The following ZNF609 variants were observed in gnomAD, a reference collection of about 807,000 sequenced individuals.
ZNF609 encodes the protein zinc finger protein 609.
In ZNF609, 11 loss-of-function variants were observed where a neutral mutation model predicts 109.5. The observed-to-expected ratio is 0.10, with a 90% CI of 0.06 to 0.17. The LOEUF (loss-of-function observed/expected upper bound fraction) is 0.17, where lower values mean the gene tolerates loss of function less well. Ranked by LOEUF, ZNF609 falls within the 10% of genes least tolerant of loss-of-function variation. The pLI is 1.00. For missense variants in ZNF609, 1,559 were observed against 1,772.4 expected (o/e 0.88, Z 2.16); for synonymous variants, 646 against 662.0 (o/e 0.98, Z 0.37).
Position 64,622,913 on chromosome 15 carries a change from G to A in ZNF609, c.834G>A (p.Glu278=), listed in dbSNP as rs1847529565. The change falls in exon 3 of 10, where the codon GAG becomes GAA. Residue 278 remains glutamate (E), a synonymous_variant. Transcript: ENST00000326648. Reference sequence around the variant, plus strand: ...ACAATGACATCTCATCTCCCTGTGAGCAGATCATGGTTCGTACCCGATCAG... The same window carrying A: ...ACAATGACATCTCATCTCCCTGTGAACAGATCATGGTTCGTACCCGATCAG... ...VVNNDISSPC[E]QIMVRTRSVG... 6.2e-7 allele frequency: 1 copy of A among 1,614,070 alleles called. No individual in the cohort carries two copies. Among genetic ancestry groups the A allele is most frequent in the African/African-American group, 1.3e-5 (1 of 74,946 alleles).
At chr15:64,536,784 T>G (rs1034918985) in intron 2 of ZNF609, among the ~76,000 whole-genome samples, 2 of 151,448 alleles carry the variant, frequency 1.3e-5, no homozygotes, top group African/African-American at 4.9e-5. Flanking sequence ...CTGTCCCATT[T>G]ACTCAGTGCC....
In ZNF609 at chr15:64,674,148, G is replaced by A; in HGVS notation, c.1294G>A (p.Ala432Thr). The change falls in exon 5 of 10, where the codon GCC becomes ACC. Residue 432 changes from alanine to threonine, a missense_variant. Physicochemically the swap from Ala to Thr is moderately conservative, Grantham distance 58. This residue lies in a region of ZNF609 where 1,204 missense variants were observed against 1,314.1 expected (regional missense o/e 0.92). Transcript: ENST00000326648. ...PASSTSEDVK[A>T]SPSSANKRKN... is the part of the protein sequence containing the mutation. The stretch of plus-strand genomic sequence containing the variant: ...CAGCAGCACTTCTGAGGATGTCAAG[G>A]CCAGCCCTTCCTCAGCTAATAAGCG... The A allele has an allele frequency of 6.2e-7, 1 of 1,614,180 alleles. No homozygotes were observed. Among genetic ancestry groups the A allele is most frequent in the East Asian group, 2.2e-5 (1 of 44,888 alleles).
intron 3 of ZNF609, among the ~76,000 whole-genome samples, chr15:64,652,158 T>G (rs1224310855): frequency 6.6e-6 from 1 of 151,590 alleles, no homozygotes; most frequent in Non-Finnish European, 1.5e-5. Flanking sequence ...CCTGAGTAGC[T>G]GGGATTACAG....
At position 64,672,879 on chromosome 15, in the gene ZNF609, A is replaced by C. The variant is rs909933387; in HGVS notation, c.1062-1037A>C. Among the ~76,000 whole-genome samples the C allele has an allele frequency of 2.2e-4, 31 of 143,328 alleles. 1 individual carries two copies. Among genetic ancestry groups the C allele is most frequent in the Non-Finnish European group, 1.5e-5 (1 of 65,636 alleles). The allele number at this position is 143,328 out of a possible 152,430, so 94.0% of individuals were successfully genotyped here. ...CTCGGGAGCCTGAGGCAGGAGAACC[A>C]CTTGAACTAGGGAGTTGGAGGTTAC... On this transcript the variant is annotated intron_variant, in intron 4 of 9. Transcript: ENST00000326648.
At chr15:64,546,710 G>C (rs1041054351) in intron 2 of ZNF609, among the ~76,000 whole-genome samples, 2 of 151,600 alleles carry the variant, frequency 1.3e-5, no homozygotes, top group South Asian at 4.2e-4. Context: ...CTAGACTCAA[G>C]CAATCCACCT....
In ZNF609 at chr15:64,588,837, C is replaced by T. The variant is rs1156496457; in HGVS notation, c.748-33990C>T. ...ATTTTTAATAGAGATGGGGTTTCAC[C>T]ATATTGGTCAGGCTGGTCTCGAACT... On this transcript the variant is annotated intron_variant, in intron 2 of 9. Transcript: ENST00000326648. 2.0e-5 allele frequency among the ~76,000 whole-genome samples: 3 copies of T among 151,940 alleles called. No individual in the cohort carries two copies. In the East Asian group the frequency reaches 5.8e-4, roughly 29 times the overall value.
intron 3 of ZNF609, among the ~76,000 whole-genome samples, chr15:64,624,364 A>G (rs1369279302): frequency 6.6e-6 from 1 of 152,162 alleles, no homozygotes; most frequent in East Asian, 1.9e-4. Flanking sequence ...GCTTATGGAC[A>G]AATGTCTGAA....
At chr15:64,612,647 A>G (rs372701466) in intron 2 of ZNF609, among the ~76,000 whole-genome samples, 8,585 of 102,764 alleles carry the variant, frequency 0.084, 216 homozygotes, top group South Asian at 0.11. Context: ...TTTTTTTTTT[A>G]ATTTATTTTT....
intron 1 of ZNF609, among the ~76,000 whole-genome samples, chr15:64,486,039 C>T (rs1461792728): frequency 6.6e-6 from 1 of 152,140 alleles, no homozygotes; most frequent in East Asian, 1.9e-4. Context: ...CAGACAGCTC[C>T]ATCACCACAA....
At chr15:64,508,894 A>G (rs1166714867) in intron 2 of ZNF609, among the ~76,000 whole-genome samples, 2 of 151,828 alleles carry the variant, frequency 1.3e-5, no homozygotes, top group Non-Finnish European at 2.9e-5. Context: ...GGGTCTTACT[A>G]TGTTGTTCAG....
chr15:64,606,559 A>C (rs1467424431), intron 2 of ZNF609, among the ~76,000 whole-genome samples: 1 of 2,176 alleles, frequency 4.6e-4, no homozygotes, highest in Non-Finnish European at 1.4e-3. Flanking sequence ...ACTCCATCTC[A>C]AAAAAAAAAA....
At chr15:64,655,234 G>A (rs183201197) in intron 3 of ZNF609, among the ~76,000 whole-genome samples, 4 of 151,712 alleles carry the variant, frequency 2.6e-5, no homozygotes, top group East Asian at 2.0e-4. Context: ...CACTGAGGTC[G>A]GGAGTTCGAG....
chr15:64,518,896 G>A (rs1893852651), intron 2 of ZNF609, among the ~76,000 whole-genome samples: 1 of 152,046 alleles, frequency 6.6e-6, no homozygotes, highest in African/African-American at 2.4e-5. Flanking sequence ...TTTAACTTGG[G>A]ACATGTTTTG....
chr15:64,670,443 T>TA lies in ZNF609; in HGVS notation c.1061+11dup. ...ATTGGGCACCCCCAAGGTAAGCACT[T>TA]ACAGCTATTTAGTTTATATTATTCT... On this transcript the variant is annotated intron_variant, in intron 4 of 9. Transcript: ENST00000326648. 6.2e-7 allele frequency: 1 copy of TA among 1,609,540 alleles called. No homozygotes were observed. Among genetic ancestry groups the TA allele is most frequent in the East Asian group, 2.2e-5 (1 of 44,874 alleles).
intron 2 of ZNF609, among the ~76,000 whole-genome samples, chr15:64,505,268 A>G (rs1893618536): frequency 2.0e-5 from 3 of 152,212 alleles, no homozygotes; most frequent in Admixed American, 1.3e-4. Flanking sequence ...TATTTCATCC[A>G]GCCAAATTTT....
At chr15:64,604,868 A>G (rs1017525102) in intron 2 of ZNF609, among the ~76,000 whole-genome samples, 5 of 151,794 alleles carry the variant, frequency 3.3e-5, no homozygotes, top group Non-Finnish European at 7.4e-5. Context: ...GTCTCGCTCT[A>G]TCGCCCAGGC....
At chr15:64,594,098 TAGA>T (rs1895348291) in intron 2 of ZNF609, among the ~76,000 whole-genome samples, 1 of 152,198 alleles carries the variant, frequency 6.6e-6, no homozygotes, top group Non-Finnish European at 1.5e-5. Flanking sequence ...CAGTTTACTT[TAGA>T]AGAACTGAAA....
At chr15:64,572,682 C>G (rs1393355485) in intron 2 of ZNF609, among the ~76,000 whole-genome samples, 1 of 151,830 alleles carries the variant, frequency 6.6e-6, no homozygotes, top group Non-Finnish European at 1.5e-5. Flanking sequence ...CACCTGAGGT[C>G]GGGAGTTTGA....
At chr15:64,668,542 G>T (rs1392814340) in intron 3 of ZNF609, among the ~76,000 whole-genome samples, 1 of 152,208 alleles carries the variant, frequency 6.6e-6, no homozygotes, top group Non-Finnish European at 1.5e-5. Context: ...AAGGCAGATG[G>T]ATTGCTTGAT....
Sources: gnomAD v4.1 joint callset for allele counts (sites outside exome capture counted in the v4.1 genomes callset) on GRCh38, gnomAD v4.1.1 for gene constraint, gnomAD v4.1.1 regional missense constraint, MANE v1.5 for transcripts, NCBI Gene and HGNC (gene_info 2026-07-23, HGNC 2026-07-21) for gene names.